PRRG1: variants seen among roughly 807,000 people sequenced by gnomAD.
PRRG1 encodes transmembrane gamma-carboxyglutamic acid protein 1.
Under a neutral mutation model 11.8 loss-of-function variants are expected in PRRG1, and 5 were observed. The ratio of observed to expected loss-of-function variants is 0.42; its 90% CI spans 0.22 to 0.89. The LOEUF (loss-of-function observed/expected upper bound fraction) is 0.89. Ranked by LOEUF, PRRG1 falls within the 40% of genes least tolerant of loss-of-function variation. The pLI, the probability that PRRG1 is intolerant of heterozygous loss-of-function variation, is 0.28. For missense variants in PRRG1, 155 were observed against 166.1 expected (o/e 0.93, Z 0.37); for synonymous variants, 66 against 60.4 (o/e 1.09, Z -0.43).
chrX:37,357,283 A>G (rs1398717303), intron 1 of PRRG1, among the ~76,000 whole-genome samples: 1 of 112,147 alleles, frequency 8.9e-6, no homozygotes, highest in Admixed American at 9.5e-5. Flanking sequence ...TGGATGTACC[A>G]CAGTTTATTC....
intron 1 of PRRG1, among the ~76,000 whole-genome samples, chrX:37,383,001 T>A (rs1193756747): frequency 9.0e-6 from 1 of 111,337 alleles, no homozygotes; most frequent in Non-Finnish European, 1.9e-5. Context: ...GCAAAAGAAA[T>A]CGATAATTCA....
At chrX:37,354,898 G>A (rs1466248858) in intron 1 of PRRG1, among the ~76,000 whole-genome samples, 1 of 110,135 alleles carries the variant, frequency 9.1e-6, no homozygotes, top group African/African-American at 3.3e-5. Context: ...AGGTATTTGA[G>A]GTAATGGCTT....
chrX:37,379,816 A>G (rs945852059), intron 1 of PRRG1, among the ~76,000 whole-genome samples: 1 of 111,931 alleles, frequency 8.9e-6, no homozygotes. Context: ...TTCATCAGTT[A>G]TTGAGTGTAT....
At chrX:37,378,319 T>C (rs1180181129) in intron 1 of PRRG1, among the ~76,000 whole-genome samples, 1 of 111,869 alleles carries the variant, frequency 8.9e-6, no homozygotes, top group Non-Finnish European at 1.9e-5. Flanking sequence ...CTTTTCTATG[T>C]TTCGTTGTAT....
chrX:37,420,668 C>CAAAAAAAAAAAAAAAAAA (rs1302856034), intron 2 of PRRG1, among the ~76,000 whole-genome samples: 3 of 29,515 alleles, frequency 1.0e-4, no homozygotes, highest in African/African-American at 1.4e-4. Flanking sequence ...CCCGTCTATG[C>CAAAAAAAAAAAAAAAAAA]AAAAAAAAAA....
At chrX:37,451,992 A>G (rs967806342) in intron 3 of PRRG1, among the ~76,000 whole-genome samples, 1 of 111,537 alleles carries the variant, frequency 9.0e-6, no homozygotes, top group African/African-American at 3.3e-5. Flanking sequence ...TCTTTTTCCA[A>G]TTTGCATTCC....
At chrX:37,376,024 G>A (rs1167490178) in intron 1 of PRRG1, among the ~76,000 whole-genome samples, 2 of 111,397 alleles carry the variant, frequency 1.8e-5, no homozygotes, top group Admixed American at 1.9e-4. Context: ...CCCTGTAATT[G>A]CAACCTCTAA....
At chrX:37,417,817 C>T (rs1356346575) in intron 2 of PRRG1, among the ~76,000 whole-genome samples, 1 of 111,780 alleles carries the variant, frequency 8.9e-6, no homozygotes, top group Non-Finnish European at 1.9e-5. Flanking sequence ...ATGAGTTTGA[C>T]ACTTCATAAG....
At chrX:37,353,862 A>G (rs1372494795) in intron 1 of PRRG1, among the ~76,000 whole-genome samples, 1 of 112,687 alleles carries the variant, frequency 8.9e-6, no homozygotes, top group Admixed American at 9.3e-5. Context: ...TTCTCAGACC[A>G]TATCCCAGTT....
intron 1 of PRRG1, among the ~76,000 whole-genome samples, chrX:37,365,894 T>C (rs1319937976): frequency 8.9e-6 from 1 of 111,799 alleles, no homozygotes; most frequent in Non-Finnish European, 1.9e-5. Flanking sequence ...CACAAATAGG[T>C]CCCCTGCTTC....
intron 1 of PRRG1, among the ~76,000 whole-genome samples, chrX:37,395,411 G>A (rs992297145): frequency 7.2e-5 from 8 of 111,111 alleles, no homozygotes; most frequent in Non-Finnish European, 1.3e-4. Flanking sequence ...TCAGGAGGTC[G>A]AGACCAGCAT....
At chrX:37,379,167 T>G (rs782498428) in intron 1 of PRRG1, among the ~76,000 whole-genome samples, 3 of 106,858 alleles carry the variant, frequency 2.8e-5, no homozygotes, top group Non-Finnish European at 5.8e-5. Flanking sequence ...ACCATGTTTG[T>G]GAAGACTTCT....
At chrX:37,429,673 A>G (rs973609695) in intron 3 of PRRG1, among the ~76,000 whole-genome samples, 13 of 111,019 alleles carry the variant, frequency 1.2e-4, no homozygotes, top group African/African-American at 4.3e-4. Flanking sequence ...AACTGTCCCA[A>G]CCTCTGCCTG....
At chrX:37,351,507 AAG>A (rs1556364872) in intron 1 of PRRG1, among the ~76,000 whole-genome samples, 218 of 111,197 alleles carry the variant, frequency 2.0e-3, no homozygotes, top group African/African-American at 6.4e-3. Flanking sequence ...AAAAAAAAAA[AAG>A]AAAGAAAGAA....
At chrX:37,407,978 T>A (rs1388341500) in intron 2 of PRRG1, among the ~76,000 whole-genome samples, 2 of 112,304 alleles carry the variant, frequency 1.8e-5, no homozygotes, top group Non-Finnish European at 3.8e-5. Context: ...TGGAAATTGA[T>A]TAGGCCTAGC....
intron 1 of PRRG1, chrX:37,386,792 G>GT (rs1297007764): frequency 1.8e-5 from 2 of 111,909 alleles, no homozygotes; most frequent in South Asian, 3.7e-4. Context: ...GATAATAATA[G>GT]TTTTATATTT....
intron 3 of PRRG1, among the ~76,000 whole-genome samples, chrX:37,444,941 T>A (rs1177727098): frequency 1.8e-5 from 2 of 111,353 alleles, no homozygotes; most frequent in African/African-American, 6.5e-5. Flanking sequence ...CAAACCCAGG[T>A]TGCCTGAGCC....
intron 1 of PRRG1, among the ~76,000 whole-genome samples, chrX:37,404,705 G>A (rs782724108): frequency 9.0e-6 from 1 of 110,812 alleles, no homozygotes; most frequent in Non-Finnish European, 1.9e-5. Flanking sequence ...ATATATTGGT[G>A]GTCCGCATAA....
intron 1 of PRRG1, among the ~76,000 whole-genome samples, chrX:37,381,453 C>T (rs782760271): frequency 6.4e-4 from 71 of 111,501 alleles, no homozygotes; most frequent in African/African-American, 2.2e-3. Flanking sequence ...TGTCTAATCT[C>T]GAAATCATAA....
Sources: allele counts gnomAD v4.1 joint callset (sites outside exome capture counted in the v4.1 genomes callset), GRCh38; gene constraint gnomAD v4.1.1; transcripts MANE v1.5; gene names NCBI Gene and HGNC (gene_info 2026-07-23, HGNC 2026-07-21).